The following PBX1 variants were observed in gnomAD, a reference collection of about 807,000 sequenced individuals.
PBX1 encodes the protein PBX homeobox 1.
In PBX1, 6 loss-of-function variants were observed where a neutral mutation model predicts 53.4. The observed-to-expected ratio is 0.11, with a 90% confidence interval of 0.06 to 0.22. The LOEUF is 0.22. Ranked by LOEUF, PBX1 falls within the 10% of genes least tolerant of loss-of-function variation. The pLI is 1.00. For synonymous variants in PBX1, 204 were observed against 212.3 expected (o/e 0.96, Z 0.34); for missense variants, 251 against 551.4 (o/e 0.46, Z 5.46).
chr1:164,645,635 C>G (rs1006485934), intron 2 of PBX1, among the ~76,000 whole-genome samples: 1 of 151,930 alleles, frequency 6.6e-6, no homozygotes, highest in African/African-American at 2.4e-5. Context: ...ATATTGAGGA[C>G]AAAGTAAGGG....
Position 164,611,238 on chromosome 1 carries a change from T to C in PBX1, c.265+47927T>C, listed in dbSNP as rs375872797. 2.2e-4 allele frequency among the ~76,000 whole-genome samples: 34 copies of C among 152,282 alleles called. No homozygotes were observed. The East Asian group carries it at 4.8e-3, about 22-fold the overall frequency. ...TTTGGGCCTTTTTCACATTTCTGTG[T>C]TTCTTTTTTCTCTTTTTGAGACGGA... is the stretch of plus-strand genomic sequence containing the variant. On this transcript the variant is annotated intron_variant, in intron 2 of 8. Coordinates refer to ENST00000420696, the MANE Select transcript of PBX1 (RefSeq NM_002585.4).
intron 2 of PBX1, among the ~76,000 whole-genome samples, chr1:164,881,950 A>G (rs111264604): frequency 9.8e-5 from 15 of 152,286 alleles, no homozygotes; most frequent in African/African-American, 3.1e-4. Context: ...CCCACCCGCT[A>G]TGCCCCTCAC....
rs117690443 is a variant in PBX1, at chr1:164,724,256, A to G, written c.266-68238A>G. Among the ~76,000 whole-genome samples, 113 of 152,268 alleles carry G rather than the reference A, an allele frequency of 7.4e-4. No homozygotes were observed. In the East Asian group the frequency reaches 0.02, roughly 27 times the overall value. Reference sequence around the variant, plus strand: ...TCAAATCCAAACATTCAGGAACTCTACTGAGCTTCCAGGCCCATGGATTTC... The same window carrying G: ...TCAAATCCAAACATTCAGGAACTCTGCTGAGCTTCCAGGCCCATGGATTTC... On this transcript the variant is annotated intron_variant, in intron 2 of 8. Coordinates refer to ENST00000420696, the MANE Select transcript of PBX1 (RefSeq NM_002585.4).
intron 3 of PBX1, among the ~76,000 whole-genome samples, chr1:164,794,530 T>G (rs1668691481): frequency 6.6e-6 from 1 of 152,172 alleles, no homozygotes. Flanking sequence ...CTTTGCCTTC[T>G]TGGGAAAGAA....
At chr1:164,647,444 C>G (rs1202917853) in intron 2 of PBX1, among the ~76,000 whole-genome samples, 1 of 152,096 alleles carries the variant, frequency 6.6e-6, no homozygotes, top group Non-Finnish European at 1.5e-5. Flanking sequence ...GTTTTGTTAT[C>G]AGGGAAAGTC....
intron 2 of PBX1, among the ~76,000 whole-genome samples, chr1:164,691,942 T>C (rs1662512652): frequency 6.6e-6 from 1 of 152,236 alleles, no homozygotes; most frequent in Non-Finnish European, 1.5e-5. Flanking sequence ...TAAAGTGTTA[T>C]ATAAAATTAC....
chr1:164,862,717 C>A (rs1672129129), intron 2 of PBX1, among the ~76,000 whole-genome samples: 1 of 152,140 alleles, frequency 6.6e-6, no homozygotes, highest in African/African-American at 2.4e-5. Context: ...CCCCACAGCT[C>A]CCCTTGGCTA....
At chr1:164,807,138 T>C (rs1312383281) in intron 4 of PBX1, among the ~76,000 whole-genome samples, 3 of 152,038 alleles carry the variant, frequency 2.0e-5, no homozygotes, top group Non-Finnish European at 4.4e-5. Flanking sequence ...GTGCCTGTAA[T>C]CCCAGCTACT....
chr1:164,574,263 C>G lies in PBX1; in HGVS notation c.265+10952C>G, dbSNP rs568389267. Reference sequence around the variant, plus strand: ...TTCCTTGTTTTCTTTAGCTGTAATGCAATGGAACAAGTACAGAGCACTCCA... The same window carrying G: ...TTCCTTGTTTTCTTTAGCTGTAATGGAATGGAACAAGTACAGAGCACTCCA... On this transcript the variant is annotated intron_variant, in intron 2 of 8. Transcript: ENST00000420696. Among the ~76,000 whole-genome samples, 3 of 152,298 alleles carry G rather than the reference C, an allele frequency of 2.0e-5. 1 individual carries two copies. The highest frequency in any genetic ancestry group is 7.2e-5 in the African/African-American group (3 of 41,558).
chr1:164,847,108 C>T lies in PBX1; in HGVS notation c.*432C>T, dbSNP rs752575028. On this transcript the variant is annotated 3_prime_UTR_variant, in exon 9 of 9. Transcript: ENST00000420696. ...TTTGAGGAGCCAAATTTACCTCACT[C>T]GAATCCCTCACTCCCTATGTTAACA... 4.6e-5 allele frequency: 50 copies of T among 1,098,408 alleles called. No homozygotes were observed. Among genetic ancestry groups the T allele is most frequent in the Admixed American group, 8.9e-5 (2 of 22,488 alleles). The allele number at this position is 1,098,408 out of a possible 1,614,324, so 68.0% of individuals were successfully genotyped here.
chr1:164,785,039 G>A (rs1292903509), intron 2 of PBX1, among the ~76,000 whole-genome samples: 3 of 152,178 alleles, frequency 2.0e-5, no homozygotes, highest in Non-Finnish European at 1.5e-5. Flanking sequence ...GGGAACAAGG[G>A]TGGCTTTCAA....
intron 2 of PBX1, chr1:164,674,823 A>G (rs1661325186): frequency 8.5e-6 from 1 of 117,646 alleles, no homozygotes; most frequent in Non-Finnish European, 1.7e-5. Flanking sequence ...GACAGTGAGT[A>G]TTTAGTTAGA....
chr1:164,719,079 G>A lies in PBX1; in HGVS notation c.266-73415G>A, dbSNP rs78664338. On this transcript the variant is annotated intron_variant, in intron 2 of 8. Coordinates refer to ENST00000420696, the MANE Select transcript of PBX1 (RefSeq NM_002585.4). The stretch of plus-strand genomic sequence containing the variant: ...AGCCTTGCTCACAGGCAATGACCCC[G>A]TCAGATCTGATAAACTGAACAAGCT... Among the ~76,000 whole-genome samples the A allele has an allele frequency of 2.5e-3, 377 of 152,178 alleles. 12 individuals carry two copies. The East Asian group carries it at 0.062, about 25-fold the overall frequency.
intron 2 of PBX1, among the ~76,000 whole-genome samples, chr1:164,869,357 C>T (rs944075872): frequency 6.6e-6 from 1 of 152,190 alleles, no homozygotes; most frequent in African/African-American, 2.4e-5. Context: ...GCTCCCAGGC[C>T]AGGGTGAAGC....
At chr1:164,686,242 T>C (rs1662086496) in intron 2 of PBX1, among the ~76,000 whole-genome samples, 1 of 152,220 alleles carries the variant, frequency 6.6e-6, no homozygotes, top group East Asian at 1.9e-4. Context: ...ATGAAAGTGT[T>C]CGGTCACCTG....
intron 2 of PBX1, chr1:164,674,965 A>G (rs1348506312): frequency 6.7e-6 from 1 of 149,716 alleles, no homozygotes; most frequent in Non-Finnish European, 1.5e-5. Flanking sequence ...TAGTTTGCCA[A>G]ATACTTTCAT....
chr1:164,789,384 T>C (rs1037585648), intron 2 of PBX1, among the ~76,000 whole-genome samples: 2 of 152,174 alleles, frequency 1.3e-5, no homozygotes, highest in African/African-American at 4.8e-5. Context: ...ATATTAGGTA[T>C]ATGGGAAATA....
chr1:164,844,605 G>A (rs540077162), intron 8 of PBX1, among the ~76,000 whole-genome samples: 4 of 152,216 alleles, frequency 2.6e-5, no homozygotes, highest in Admixed American at 6.5e-5. Flanking sequence ...AAATATTAGC[G>A]ATAAGTATAT....
At chr1:164,878,750 A>C (rs1225767189) in intron 2 of PBX1, among the ~76,000 whole-genome samples, 1 of 152,218 alleles carries the variant, frequency 6.6e-6, no homozygotes, top group Non-Finnish European at 1.5e-5. Context: ...AAAAAACAAA[A>C]TTATTATTGG....
Sources: allele counts gnomAD v4.1 joint callset (sites outside exome capture counted in the v4.1 genomes callset), GRCh38; gene constraint gnomAD v4.1.1; transcripts MANE v1.5; gene names NCBI Gene and HGNC (gene_info 2026-07-23, HGNC 2026-07-21).